ANXA3: variants seen among roughly 807,000 people sequenced by gnomAD.
The protein encoded by ANXA3 is 35-alpha calcimedin.
In ANXA3, 46 loss-of-function variants were observed where a neutral mutation model predicts 48.8. The observed-to-expected ratio is 0.94, with a 90% CI of 0.74 to 1.21. The LOEUF is 1.21. Among genes scored for constraint, ANXA3 ranks in the 50% most tolerant of loss-of-function variants. ANXA3 has a pLI of 0.00. For synonymous variants in ANXA3, 128 were observed against 134.7 expected, an observed-to-expected ratio of 0.95 and a Z score of 0.35; for missense variants, 383 against 378.6, an observed-to-expected ratio of 1.01 and a Z score of -0.10.
At chr4:78,599,877 T>C (rs2109948249) in intron 10 of ANXA3, among the ~76,000 whole-genome samples, 1 of 152,080 alleles carries the variant, frequency 6.6e-6, no homozygotes, top group East Asian at 1.9e-4. Flanking sequence ...GTGAGCTATG[T>C]TGGTGCCACT....
At chr4:78,608,853 G>A (rs371307448) in intron 12 of ANXA3, among the ~76,000 whole-genome samples, 9 of 152,214 alleles carry the variant, frequency 5.9e-5, no homozygotes, top group African/African-American at 1.4e-4. Context: ...AGTCATTAGC[G>A]GTGTAAATAT....
rs1578403173 is a variant in ANXA3, at chr4:78,597,416, T to A, written c.730+2T>A. On this transcript the variant is annotated splice_donor_variant, in intron 10 of 12. Transcript: ENST00000264908. LOFTEE classifies it high-confidence loss of function. ...TTGAAGACTTACTGTTGGCCATAGG[T>A]AAGACTTCGAGTGCTGGTAAACTAA... 1.9e-6 allele frequency: 3 copies of A among 1,587,470 alleles called. No homozygotes were observed. The highest frequency in any genetic ancestry group is 1.7e-4 in the Middle Eastern group (1 of 6,014).
rs911011393 is a variant in ANXA3, at chr4:78,569,740, A to G, written c.16-3440A>G. ...TGATGCTGATGCAGCTGCTTCAGGA[A>G]CCACACTTTGAGAACCACTAAGATG... On this transcript the variant is annotated intron_variant, in intron 2 of 12. Coordinates refer to ENST00000264908, the MANE Select transcript of ANXA3 (RefSeq NM_005139.3). 3.4e-4 allele frequency among the ~76,000 whole-genome samples: 52 copies of G among 152,176 alleles called. 2 individuals are homozygous for G. Among genetic ancestry groups the G allele is most frequent in the Non-Finnish European group, 1.9e-4 (13 of 68,034 alleles).
intron 2 of ANXA3, among the ~76,000 whole-genome samples, chr4:78,561,980 A>C (rs573597122): frequency 6.6e-6 from 1 of 152,358 alleles, no homozygotes; most frequent in South Asian, 2.1e-4. Context: ...TGGAATGAAC[A>C]CTAAAAAGCT....
At chr4:78,553,294 G>A (rs1451623968) in intron 1 of ANXA3, among the ~76,000 whole-genome samples, 1 of 152,158 alleles carries the variant, frequency 6.6e-6, no homozygotes, top group East Asian at 1.9e-4. Flanking sequence ...CTAACTCACT[G>A]GATGATTGTG....
At chr4:78,607,984 G>A (rs1723686616) in intron 12 of ANXA3, among the ~76,000 whole-genome samples, 1 of 152,130 alleles carries the variant, frequency 6.6e-6, no homozygotes, top group African/African-American at 2.4e-5. Flanking sequence ...GGTCTACCTT[G>A]GGGAATATTG....
At position 78,554,487 on chromosome 4, in the gene ANXA3, G is replaced by C. The variant is rs138440660; in HGVS notation, c.14G>C (p.Trp5Ser). The C allele has an allele frequency of 4.3e-6, 7 of 1,612,890 alleles. No homozygotes were observed. In the African/African-American group the frequency reaches 8.0e-5, roughly 18 times the overall value. MASI[W>S]VGHRGTVRDY... The stretch of plus-strand genomic sequence containing the variant: ...AGGTGGGATATCATGGCATCTATCT[G>C]GGTAAGTAAAAATTAAGCCTTCACA... The change falls in exon 2 of 13, where the codon TGG becomes TCG. Residue 5 changes from tryptophan (W) to serine (S), a missense_variant and splice_region_variant. Trp to Ser is a radical substitution (Grantham distance 177). Coordinates refer to ENST00000264908, the MANE Select transcript of ANXA3 (RefSeq NM_005139.3).
intron 4 of ANXA3, 81 bp downstream of exon 4, chr4:78,579,202 T>C: frequency 1.1e-6 from 1 of 927,144 alleles, no homozygotes; most frequent in Admixed American, 1.9e-5. Context: ...GCCCACAGTC[T>C]TCTGTTTCAG....
chr4:78,604,439 T>G, intron 12 of ANXA3, 40 bp downstream of exon 12: 1 of 1,405,134 alleles, frequency 7.1e-7, no homozygotes, highest in Non-Finnish European at 9.8e-7. Context: ...TATTTTGCCC[T>G]TCTCTACCCA....
In ANXA3 at chr4:78,609,409, C is replaced by A. The variant is rs145026669; in HGVS notation, c.913-647C>A. ...CTTTGCCCTTTAAGCCTCAACCTCACGTAGTATCTTTTCTGGACAACAGTC... is the reference window on the plus strand; with the variant it reads ...CTTTGCCCTTTAAGCCTCAACCTCAAGTAGTATCTTTTCTGGACAACAGTC... On this transcript the variant is annotated intron_variant, in intron 12 of 12. Coordinates refer to ENST00000264908, the MANE Select transcript of ANXA3 (RefSeq NM_005139.3). 5.3e-4 allele frequency among the ~76,000 whole-genome samples: 80 copies of A among 152,288 alleles called. 1 individual carries two copies. Among genetic ancestry groups the A allele is most frequent in the African/African-American group, 1.9e-3 (79 of 41,570 alleles).
chr4:78,580,741 A>G (rs1355236436), intron 4 of ANXA3, among the ~76,000 whole-genome samples: 1 of 152,216 alleles, frequency 6.6e-6, no homozygotes, highest in African/African-American at 2.4e-5. Flanking sequence ...AACATATTAT[A>G]TTGAAATTTT....
intron 5 of ANXA3, among the ~76,000 whole-genome samples, chr4:78,583,927 T>C (rs1379264701): frequency 6.6e-6 from 1 of 152,230 alleles, no homozygotes; most frequent in Non-Finnish European, 1.5e-5. Flanking sequence ...TAGTGTTTGA[T>C]TGAATAAGTG....
chr4:78,558,685 T>C (rs1386041280), intron 2 of ANXA3, among the ~76,000 whole-genome samples: 1 of 152,234 alleles, frequency 6.6e-6, no homozygotes, highest in Non-Finnish European at 1.5e-5. Flanking sequence ...ACAATCTATG[T>C]TGCATTAGTA....
chr4:78,604,607 A>G lies in ANXA3; in HGVS notation c.912+208A>G, dbSNP rs374930300. ...CCCAGGCATATAATAGACACTCAAT[A>G]TTTTTTTAGGTGTACTAGCCACTAA... On this transcript the variant is annotated intron_variant, in intron 12 of 12. Transcript: ENST00000264908. 9.9e-5 allele frequency among the ~76,000 whole-genome samples: 15 copies of G among 152,204 alleles called. 1 individual carries two copies. Among genetic ancestry groups the G allele is most frequent in the East Asian group, 7.7e-4 (4 of 5,190 alleles).
chr4:78,569,712 G>A (rs892253589), intron 2 of ANXA3, among the ~76,000 whole-genome samples: 1 of 152,146 alleles, frequency 6.6e-6, no homozygotes, highest in East Asian at 1.9e-4. Context: ...TCACATTCCC[G>A]GGTGATGCTG....
intron 12 of ANXA3, among the ~76,000 whole-genome samples, chr4:78,606,351 G>A (rs1723644622): frequency 6.6e-6 from 1 of 152,176 alleles, no homozygotes; most frequent in Non-Finnish European, 1.5e-5. Context: ...CTAAAACTGG[G>A]AATGGAGTCC....
chr4:78,577,821 T>C (rs974098871), intron 3 of ANXA3, among the ~76,000 whole-genome samples: 2 of 152,154 alleles, frequency 1.3e-5, no homozygotes, highest in Non-Finnish European at 2.9e-5. Context: ...CCAGGTATCA[T>C]CGTGGGTTGG....
At chr4:78,583,682 G>C (rs1342009539) in intron 5 of ANXA3, among the ~76,000 whole-genome samples, 1 of 152,044 alleles carries the variant, frequency 6.6e-6, no homozygotes, top group African/African-American at 2.4e-5. Context: ...GACTGGTTAG[G>C]CAAGTTCAAA....
intron 6 of ANXA3, among the ~76,000 whole-genome samples, chr4:78,587,752 A>G (rs920691656): frequency 6.6e-6 from 1 of 152,214 alleles, no homozygotes; most frequent in African/African-American, 2.4e-5. Flanking sequence ...CTAATCAGAA[A>G]AACAGAAACA....
Sources: allele counts gnomAD v4.1 joint callset (sites outside exome capture counted in the v4.1 genomes callset), GRCh38; gene constraint gnomAD v4.1.1; transcripts MANE v1.5; gene names NCBI Gene and HGNC (gene_info 2026-07-23, HGNC 2026-07-21).